Variants in COG5 observed in about 807,000 individuals in gnomAD.
COG5 encodes component of oligomeric golgi complex 5.
A neutral mutation model predicts 110.4 loss-of-function variants in COG5; 86 were observed. The ratio of observed to expected loss-of-function variants is 0.78; its 90% confidence interval spans 0.65 to 0.93. The LOEUF (loss-of-function observed/expected upper bound fraction) is 0.93, where lower values mean the gene tolerates loss of function less well. COG5 is among the 40% of genes least tolerant of loss of function. The pLI is 0.00. For synonymous variants in COG5, 360 were observed against 334.6 expected (o/e 1.08, Z -0.83); for missense variants, 1,077 against 987.0 (o/e 1.09, Z -1.22).
At chr7:107,340,178 A>G (rs1388468894) in intron 10 of COG5, among the ~76,000 whole-genome samples, 1 of 152,174 alleles carries the variant, frequency 6.6e-6, no homozygotes, top group African/African-American at 2.4e-5. Flanking sequence ...ACAATCAGAA[A>G]TGACAAAGGC....
At position 107,298,587 on chromosome 7, in the gene COG5, A is replaced by G. The variant is rs543510867; in HGVS notation, c.1109-241T>C. Among the ~76,000 whole-genome samples, 180 of 152,312 alleles carry G rather than the reference A, an allele frequency of 1.2e-3. 2 individuals carry two copies. The highest frequency in any genetic ancestry group is 4.1e-3 in the African/African-American group (171 of 41,580). ...ATTTAAAAAAAATAGAAAAGCCCAC[A>G]ATTGTAGTTGAAGATTTCAATTCCC... On this transcript the variant is annotated intron_variant, in intron 11 of 21. Transcript: ENST00000297135.
At chr7:107,330,371 G>A (rs1321376087) in intron 10 of COG5, among the ~76,000 whole-genome samples, 1 of 152,152 alleles carries the variant, frequency 6.6e-6, no homozygotes, top group African/African-American at 2.4e-5. Context: ...AAAAATGTCA[G>A]AACTTTTTAA....
rs1185141837 is a variant in COG5, at chr7:107,558,029, G to T, written c.181C>A (p.Leu61Ile). ...CTGATTCCTTGGGCAAGTTTTGCTAGTTGTTCAGCAATTACAGCTTGATGA... is the reference window on the plus strand; with the variant it reads ...CTGATTCCTTGGGCAAGTTTTGCTATTTGTTCAGCAATTACAGCTTGATGA... Reference protein sequence around the residue: ...SIHQAVIAEQLAKLAQGISQL... With the variant: ...SIHQAVIAEQIAKLAQGISQL... Residue 61 changes from leucine (L) to isoleucine (I), a missense_variant, in exon 2 of 22, where the codon CTA becomes ATA. Leu to Ile is a conservative substitution (Grantham distance 5). Coordinates refer to ENST00000297135, the MANE Select transcript of COG5 (RefSeq NM_006348.5). 2 of 1,613,890 alleles carry T rather than the reference G, an allele frequency of 1.2e-6. No individual in the cohort carries two copies. The highest frequency in any genetic ancestry group is 1.7e-6 in the Non-Finnish European group (2 of 1,179,976).
At chr7:107,385,751 A>C (rs1305542655) in intron 7 of COG5, among the ~76,000 whole-genome samples, 1 of 152,070 alleles carries the variant, frequency 6.6e-6, no homozygotes, top group African/African-American at 2.4e-5. Context: ...AGTTATCAAC[A>C]ACAGTGCAGA....
intron 10 of COG5, among the ~76,000 whole-genome samples, chr7:107,327,418 G>A (rs1187002195): frequency 6.6e-6 from 1 of 152,006 alleles, no homozygotes; most frequent in Non-Finnish European, 1.5e-5. Context: ...ATGAACACAG[G>A]CAACAAAAGC....
chr7:107,446,880 G>T (rs1269799937), intron 6 of COG5, among the ~76,000 whole-genome samples: 1 of 151,942 alleles, frequency 6.6e-6, no homozygotes, highest in Non-Finnish European at 1.5e-5. Context: ...TTGCTGCCAT[G>T]ACAAATTACA....
intron 6 of COG5, among the ~76,000 whole-genome samples, chr7:107,466,383 T>C (rs1266205768): frequency 2.0e-5 from 3 of 152,172 alleles, no homozygotes; most frequent in Non-Finnish European, 2.9e-5. Context: ...TATGTGATAC[T>C]GGCAAATGAC....
chr7:107,360,815 C>A (rs765311281), intron 10 of COG5, among the ~76,000 whole-genome samples: 1 of 152,226 alleles, frequency 6.6e-6, no homozygotes, highest in African/African-American at 2.4e-5. Context: ...GTCCCTGGCT[C>A]ATGTTTGTCA....
chr7:107,550,749 A>G (rs1802823875), intron 3 of COG5, among the ~76,000 whole-genome samples: 1 of 152,172 alleles, frequency 6.6e-6, no homozygotes, highest in African/African-American at 2.4e-5. Context: ...TCTATTGCCC[A>G]GGCTGGGGTG....
chr7:107,407,808 C>A (rs1470809551), intron 7 of COG5, among the ~76,000 whole-genome samples: 1 of 151,848 alleles, frequency 6.6e-6, no homozygotes, highest in African/African-American at 2.4e-5. Flanking sequence ...TAAATGCAAA[C>A]CACAGAGGCT....
At chr7:107,557,915 A>G (rs1803443096) in intron 2 of COG5, 61 bp downstream of exon 2, 22 of 1,576,932 alleles carry the variant, frequency 1.4e-5, no homozygotes, top group Non-Finnish European at 1.9e-5. Context: ...TAAGATTACA[A>G]AAATGCTAAA....
At chr7:107,484,460 T>C (rs965977893) in intron 6 of COG5, among the ~76,000 whole-genome samples, 1 of 152,290 alleles carries the variant, frequency 6.6e-6, no homozygotes, top group African/African-American at 2.4e-5. Context: ...TGTCTCAGCA[T>C]TGGTAAGATT....
chr7:107,508,766 T>C (rs979963696), intron 6 of COG5, among the ~76,000 whole-genome samples: 17 of 152,324 alleles, frequency 1.1e-4, no homozygotes, highest in African/African-American at 3.1e-4. Context: ...CAGCCACCGC[T>C]GCTGATACCC....
intron 10 of COG5, among the ~76,000 whole-genome samples, chr7:107,330,668 C>A (rs534107216): frequency 6.6e-6 from 1 of 152,212 alleles, no homozygotes; most frequent in Non-Finnish European, 1.5e-5. Flanking sequence ...AGTCAAATAA[C>A]CTTGACTTAA....
intron 7 of COG5, among the ~76,000 whole-genome samples, chr7:107,399,779 T>C (rs938505839): frequency 1.8e-4 from 27 of 152,120 alleles, no homozygotes; most frequent in Admixed American, 9.8e-4. Context: ...CCTTCAAAAA[T>C]TGAACAAAAA....
At chr7:107,277,789 T>C (rs930168640) in intron 14 of COG5, among the ~76,000 whole-genome samples, 1 of 152,188 alleles carries the variant, frequency 6.6e-6, no homozygotes, top group Non-Finnish European at 1.5e-5. Flanking sequence ...TCAGAAGGAC[T>C]GAAGGATTTA....
Position 107,217,487 on chromosome 7 carries a change from A to T in COG5, c.2169-6262T>A, listed in dbSNP as rs1443548252. ...ATAGATATGAAGATACAAAATCCTC[A>T]ACAAACTACTAACAAATCCAATTCT... is the stretch of plus-strand genomic sequence containing the variant. On this transcript the variant is annotated intron_variant, in intron 19 of 21. Coordinates refer to ENST00000297135, the MANE Select transcript of COG5 (RefSeq NM_006348.5). Among the ~76,000 whole-genome samples the T allele has an allele frequency of 2.6e-5, 4 of 152,278 alleles. No homozygotes were observed. In the East Asian group the frequency reaches 5.8e-4, roughly 22 times the overall value.
At chr7:107,398,071 A>AG (rs1791141677) in intron 7 of COG5, among the ~76,000 whole-genome samples, 1 of 152,202 alleles carries the variant, frequency 6.6e-6, no homozygotes, top group South Asian at 2.1e-4. Context: ...TTGTAACCTT[A>AG]GGTAGGCAAA....
chr7:107,544,542 G>A (rs573780169), intron 5 of COG5, among the ~76,000 whole-genome samples: 1 of 152,298 alleles, frequency 6.6e-6, no homozygotes, highest in South Asian at 2.1e-4. Flanking sequence ...CACCAGACCT[G>A]TGCACCTGCT....
Sources: gnomAD v4.1 joint callset for allele counts (sites outside exome capture counted in the v4.1 genomes callset) on GRCh38, gnomAD v4.1.1 for gene constraint, MANE v1.5 for transcripts, NCBI Gene and HGNC (gene_info 2026-07-23, HGNC 2026-07-21) for gene names.